Variants in NAV2 observed in about 807,000 individuals in gnomAD.
NAV2 encodes the protein helicase, APC down-regulated 1.
In NAV2, 54 loss-of-function variants were observed where a neutral mutation model predicts 223.2. The observed-to-expected ratio is 0.24, with a 90% confidence interval of 0.19 to 0.30. NAV2 has a LOEUF of 0.30. NAV2 is among the 10% of genes least tolerant of loss of function. The pLI, the probability that NAV2 is intolerant of heterozygous loss-of-function variation, is 1.00. For missense variants in NAV2, 2,806 were observed against 3,147.5 expected, an observed-to-expected ratio of 0.89 and a Z score of 2.60; for synonymous variants, 1,279 against 1,239.3, an observed-to-expected ratio of 1.03 and a Z score of -0.67.
At chr11:19,493,413 G>A (rs557907042) in intron 1 of NAV2, among the ~76,000 whole-genome samples, 2 of 152,264 alleles carry the variant, frequency 1.3e-5, no homozygotes, top group South Asian at 4.1e-4. Context: ...ATCTCTAAGA[G>A]GTGAATTTTA....
intron 35 of NAV2, 132 bp downstream of exon 35, chr11:20,105,859 C>A: frequency 1.4e-6 from 1 of 715,792 alleles, no homozygotes; most frequent in Non-Finnish European, 2.3e-6. Flanking sequence ...GAAAGTGGGG[C>A]AGAGGGACAG....
At chr11:19,876,137 T>C (rs1220992859) in intron 4 of NAV2, among the ~76,000 whole-genome samples, 3 of 152,198 alleles carry the variant, frequency 2.0e-5, no homozygotes, top group Non-Finnish European at 4.4e-5. Context: ...GCGATTCTCC[T>C]GCCTCAGCCT....
chr11:19,510,975 A>G (rs2043261659), intron 1 of NAV2: 1 of 152,274 alleles, frequency 6.6e-6, no homozygotes, highest in African/African-American at 2.4e-5. Context: ...TTCGTGATGT[A>G]CAATGTGTGT....
intron 1 of NAV2, among the ~76,000 whole-genome samples, chr11:19,695,898 A>AATAAAATAAAATAAT (rs1418341764): frequency 3.1e-4 from 47 of 150,624 alleles, no homozygotes; most frequent in East Asian, 2.3e-3. Flanking sequence ...AATAAAATAA[A>AATAAAATAAAATAAT]ATAAAATAAA....
chr11:19,353,797 A>C (rs1385056343), intron 1 of NAV2, among the ~76,000 whole-genome samples: 2 of 152,258 alleles, frequency 1.3e-5, no homozygotes, highest in Non-Finnish European at 2.9e-5. Context: ...AGAAGAATAC[A>C]GAATATAAAT....
At chr11:19,613,534 C>A (rs575579330) in intron 1 of NAV2, among the ~76,000 whole-genome samples, 3 of 152,128 alleles carry the variant, frequency 2.0e-5, no homozygotes, top group Non-Finnish European at 4.4e-5. Flanking sequence ...CCTAATCAGA[C>A]TGTTGAAATG....
chr11:19,671,879 C>A (rs993588267), intron 1 of NAV2, among the ~76,000 whole-genome samples: 2 of 152,182 alleles, frequency 1.3e-5, no homozygotes, highest in African/African-American at 4.8e-5. Flanking sequence ...GCTCCTCCTG[C>A]ATGCTTAGCA....
At chr11:19,412,148 G>A (rs1204242350) in intron 1 of NAV2, among the ~76,000 whole-genome samples, 1 of 152,160 alleles carries the variant, frequency 6.6e-6, no homozygotes, top group Non-Finnish European at 1.5e-5. Context: ...CACCCCCACA[G>A]AGCCCAGCAA....
rs559607816 is a variant in NAV2, at chr11:19,584,013, T to G, written c.75+232986T>G. 4.6e-5 allele frequency among the ~76,000 whole-genome samples: 7 copies of G among 152,202 alleles called. No homozygotes were observed. In the South Asian group the frequency reaches 1.5e-3, roughly 32 times the overall value. ...CTGTGAATCCGTCTGGTCCTGGACTTTTTTTTGGTTGGTAAGCTAGTAATT... is the reference window on the plus strand; with the variant it reads ...CTGTGAATCCGTCTGGTCCTGGACTGTTTTTTGGTTGGTAAGCTAGTAATT... On this transcript the variant is annotated intron_variant, in intron 1 of 37. Coordinates refer to the NAV2 transcript ENST00000360655.
At chr11:19,681,816 C>G (rs1565163496) in intron 1 of NAV2, among the ~76,000 whole-genome samples, 1 of 152,190 alleles carries the variant, frequency 6.6e-6, no homozygotes, top group Non-Finnish European at 1.5e-5. Flanking sequence ...CCACTGAGAC[C>G]TGTGGACACA....
At chr11:19,372,902 G>A (rs1027538204) in intron 1 of NAV2, among the ~76,000 whole-genome samples, 12 of 152,184 alleles carry the variant, frequency 7.9e-5, no homozygotes, top group African/African-American at 2.9e-4. Context: ...TTTTTATCCA[G>A]ATGGGAGAAT....
rs71050684 is a variant in NAV2, at chr11:19,776,577, G to GGTGTGTGTGTGTGTGT, written c.268-55891_268-55876dup. On this transcript the variant is annotated intron_variant, in intron 1 of 37. Coordinates refer to ENST00000349880, the MANE Select transcript of NAV2 (RefSeq NM_145117.5). ...AACGCAGCGTGTGGGCTGGGGCAGG[G>GGTGTGTGTGTGTGTGT]GTGTGTGTGTGTGTGTGTGTGTGTG... 2.4e-3 allele frequency among the ~76,000 whole-genome samples: 283 copies of GGTGTGTGTGTGTGTGT among 116,176 alleles called. 14 individuals carry two copies. The highest frequency in any genetic ancestry group is 8.2e-3 in the African/African-American group (214 of 26,058). 76.2% of individuals were successfully genotyped at this position (116,176 alleles called of 152,430 possible).
intron 7 of NAV2, 41 bp from the exon 8 acceptor site, chr11:19,939,620 C>T (rs1434094164): frequency 6.5e-7 from 1 of 1,528,368 alleles, no homozygotes; most frequent in Non-Finnish European, 9.1e-7. Flanking sequence ...GTGGTAGTTG[C>T]CTCTCATGAC....
At chr11:19,772,778 A>T (rs767332660) in intron 1 of NAV2, among the ~76,000 whole-genome samples, 6 of 152,146 alleles carry the variant, frequency 3.9e-5, no homozygotes, top group Non-Finnish European at 8.8e-5. Flanking sequence ...CAGTCTAGAG[A>T]GCCTACTTTG....
At chr11:19,427,731 G>A (rs186314135) in intron 1 of NAV2, among the ~76,000 whole-genome samples, 2 of 152,266 alleles carry the variant, frequency 1.3e-5, no homozygotes, top group Admixed American at 1.3e-4. Context: ...ATGGCATTTT[G>A]ATGTGATTTT....
intron 1 of NAV2, among the ~76,000 whole-genome samples, chr11:19,431,023 C>G (rs1368023869): frequency 6.6e-6 from 1 of 152,214 alleles, no homozygotes; most frequent in Non-Finnish European, 1.5e-5. Flanking sequence ...TCATGGCCTG[C>G]TAAACCTTTA....
chr11:19,875,380 G>C (rs985008400), intron 4 of NAV2, among the ~76,000 whole-genome samples: 2 of 152,132 alleles, frequency 1.3e-5, no homozygotes, highest in African/African-American at 4.8e-5. Flanking sequence ...GTTATAATAA[G>C]GTGTTGAATA....
intron 1 of NAV2, among the ~76,000 whole-genome samples, chr11:19,668,224 TCG>T (rs1398770505): frequency 6.6e-6 from 1 of 152,216 alleles, no homozygotes; most frequent in Non-Finnish European, 1.5e-5. Context: ...TGAAACATTG[TCG>T]CCATCAATTG....
At chr11:19,838,219 G>A (rs943103970) in intron 2 of NAV2, among the ~76,000 whole-genome samples, 3 of 152,338 alleles carry the variant, frequency 2.0e-5, no homozygotes, top group South Asian at 4.1e-4. Flanking sequence ...TTAAGGGACA[G>A]CCGCTTTCTA....
Sources: allele counts gnomAD v4.1 joint callset (sites outside exome capture counted in the v4.1 genomes callset), GRCh38; gene constraint gnomAD v4.1.1; transcripts MANE v1.5; gene names NCBI Gene and HGNC (gene_info 2026-07-23, HGNC 2026-07-21).